The following MAPK10 variants were observed in gnomAD, a reference collection of about 807,000 sequenced individuals.
MAPK10 encodes the protein mitogen-activated protein kinase 10.
MAPK10 carries 25 observed loss-of-function variants against 59.3 expected under a neutral mutation model. That is an observed-to-expected ratio of 0.42 (90% CI 0.31 to 0.59). The LOEUF (loss-of-function observed/expected upper bound fraction) is 0.59, where lower values mean the gene tolerates loss of function less well. Among genes scored for constraint, MAPK10 ranks in the 20% least tolerant of loss-of-function variants. The pLI, the probability that MAPK10 is intolerant of heterozygous loss-of-function variation, is 0.15. For missense variants in MAPK10, 351 were observed against 568.9 expected (o/e 0.62, Z 3.90); for synonymous variants, 190 against 200.5 (o/e 0.95, Z 0.44).
intron 11 of MAPK10, among the ~76,000 whole-genome samples, chr4:86,054,125 A>G (rs1362354929): frequency 6.6e-6 from 1 of 152,234 alleles, no homozygotes; most frequent in Middle Eastern, 3.2e-3. Flanking sequence ...CAACCATTCC[A>G]GCTTTTCACA....
intron 1 of MAPK10, among the ~76,000 whole-genome samples, chr4:86,469,281 T>G (rs1390901852): frequency 6.6e-6 from 1 of 152,070 alleles, no homozygotes; most frequent in East Asian, 1.9e-4. Context: ...CAAAAAGAAT[T>G]GTGATCAATA....
intron 3 of MAPK10, among the ~76,000 whole-genome samples, chr4:86,184,201 A>G (rs2077605548): frequency 6.6e-6 from 1 of 152,174 alleles, no homozygotes; most frequent in South Asian, 2.1e-4. Context: ...TGTTTTAGAC[A>G]TGAAGTCCTT....
At chr4:86,324,170 G>A (rs917162372) in intron 2 of MAPK10, among the ~76,000 whole-genome samples, 7 of 152,120 alleles carry the variant, frequency 4.6e-5, no homozygotes, top group African/African-American at 1.7e-4. Context: ...ATTTTGGGAG[G>A]CAATGGCAGG....
intron 2 of MAPK10, among the ~76,000 whole-genome samples, chr4:86,350,541 G>A (rs1730786990): frequency 6.6e-6 from 1 of 152,038 alleles, no homozygotes; most frequent in African/African-American, 2.4e-5. Flanking sequence ...TAGAGACAGG[G>A]TTTCACCATG....
At chr4:86,317,496 T>C (rs1428166939) in intron 2 of MAPK10, among the ~76,000 whole-genome samples, 1 of 152,244 alleles carries the variant, frequency 6.6e-6, no homozygotes. Flanking sequence ...CAGTGCCATA[T>C]TATCTATTGA....
chr4:86,519,946 A>C (rs1756995377), intron 1 of MAPK10, among the ~76,000 whole-genome samples: 1 of 152,194 alleles, frequency 6.6e-6, no homozygotes, highest in Non-Finnish European at 1.5e-5. Context: ...ATAGGACCCC[A>C]ATCTCTTCTA....
intron 1 of MAPK10, among the ~76,000 whole-genome samples, chr4:86,388,387 T>G (rs1410166471): frequency 6.6e-6 from 1 of 152,194 alleles, no homozygotes; most frequent in Non-Finnish European, 1.5e-5. Flanking sequence ...ACTCTAAAAT[T>G]AATAACTGAA....
chr4:86,230,506 C>T (rs566210245), intron 2 of MAPK10, among the ~76,000 whole-genome samples: 20 of 152,196 alleles, frequency 1.3e-4, no homozygotes, highest in East Asian at 5.8e-4. Flanking sequence ...ATTTTTGTGA[C>T]TATTCTGCTT....
intron 1 of MAPK10, among the ~76,000 whole-genome samples, chr4:86,531,757 G>A (rs914849784): frequency 6.6e-6 from 1 of 152,200 alleles, no homozygotes; most frequent in Admixed American, 6.5e-5. Context: ...TCCAGGATTG[G>A]GGGAGGGGAG....
chr4:86,492,355 T>G (rs1219580300), intron 1 of MAPK10, among the ~76,000 whole-genome samples: 1 of 152,194 alleles, frequency 6.6e-6, no homozygotes. Context: ...TTCCCTTCCC[T>G]AAGTAAATAT....
At chr4:86,363,675 A>G (rs1314171533), upstream of MAPK10, among the ~76,000 whole-genome samples, 1 of 152,178 alleles carries the variant, frequency 6.6e-6, no homozygotes, top group Non-Finnish European at 1.5e-5. Context: ...AGTTGTTCTA[A>G]GATATACAGT....
intron 2 of MAPK10, among the ~76,000 whole-genome samples, chr4:86,272,379 C>A (rs2094459849): frequency 6.6e-6 from 1 of 152,004 alleles, no homozygotes; most frequent in East Asian, 1.9e-4. Context: ...TAATTCCTCT[C>A]TAAAAAGTTT....
At chr4:86,126,032 C>T (rs2060021449) in intron 4 of MAPK10, 1 of 152,038 alleles carries the variant, frequency 6.6e-6, no homozygotes, top group Non-Finnish European at 1.5e-5. Context: ...TAGAAATAAA[C>T]TTCATTGCCC....
chr4:86,355,680 C>T (rs1734067962), intron 1 of MAPK10, among the ~76,000 whole-genome samples: 1 of 152,026 alleles, frequency 6.6e-6, no homozygotes, highest in Admixed American at 6.6e-5. Context: ...GTGTGCCAAA[C>T]AGAAAAAGTC....
chr4:86,545,594 G>C (rs1373608908), intron 1 of MAPK10, among the ~76,000 whole-genome samples: 1 of 152,188 alleles, frequency 6.6e-6, no homozygotes, highest in African/African-American at 2.4e-5. Flanking sequence ...CAATATACAT[G>C]TGTATTGTAT....
intron 11 of MAPK10, among the ~76,000 whole-genome samples, chr4:86,043,714 G>T (rs759974859): frequency 6.6e-6 from 1 of 152,152 alleles, no homozygotes; most frequent in Admixed American, 6.6e-5. Flanking sequence ...ATAAATAAAA[G>T]AGTACAGTGT....
intron 1 of MAPK10, among the ~76,000 whole-genome samples, chr4:86,522,614 C>G (rs1051578001): frequency 1.3e-5 from 2 of 152,072 alleles, no homozygotes; most frequent in African/African-American, 2.4e-5. Flanking sequence ...AGAGGCTGTG[C>G]TCTTATTTCG....
At chr4:86,416,729 C>A (rs543896604) in intron 1 of MAPK10, among the ~76,000 whole-genome samples, 4 of 152,314 alleles carry the variant, frequency 2.6e-5, no homozygotes, top group African/African-American at 7.2e-5. Context: ...AGCCCAGAAG[C>A]AGCAAAATCT....
intron 1 of MAPK10, among the ~76,000 whole-genome samples, chr4:86,542,245 C>T (rs1483225232): frequency 6.6e-6 from 1 of 152,156 alleles, no homozygotes; most frequent in Non-Finnish European, 1.5e-5. Context: ...GGCCAGCCAG[C>T]AGATGCAAGC....
Sources: gnomAD v4.1 joint callset for allele counts (sites outside exome capture counted in the v4.1 genomes callset) on GRCh38, gnomAD v4.1.1 for gene constraint, MANE v1.5 for transcripts, NCBI Gene and HGNC (gene_info 2026-07-23, HGNC 2026-07-21) for gene names.